The following SKIDA1 variants were observed in gnomAD, a reference collection of about 807,000 sequenced individuals.
SKIDA1 encodes SKI/DACH domain containing 1, also known as SKI/DACH domain-containing protein 1.
In SKIDA1, 18 loss-of-function variants were observed where a neutral mutation model predicts 51.4. The ratio of observed to expected loss-of-function variants is 0.35; its 90% CI spans 0.24 to 0.52. The LOEUF is 0.52. Ranked by LOEUF, SKIDA1 falls within the 20% of genes least tolerant of loss-of-function variation. The pLI is 0.95. For synonymous variants in SKIDA1, 579 were observed against 500.5 expected (o/e 1.16, Z -2.09); for missense variants, 1,104 against 1,180.6 (o/e 0.94, Z 0.95).
At position 21,516,665 on chromosome 10, in the gene SKIDA1, G is replaced by T. The variant is rs1319538887; in HGVS notation, c.1158C>A (p.Ser386Arg). ...CGTTGGCCGCGTGGTCCGAGTAGGA[G>T]CTGGACTCGGAGTCGCTGCTGCAGC... Reference protein sequence around the residue: ...PESCSSDSESSSYSDHAANDS... With the variant: ...PESCSSDSESRSYSDHAANDS... The change falls in exon 4 of 4, where the codon AGC becomes AGA. Residue 386 changes from serine to arginine, a missense_variant. Ser to Arg is a moderately radical substitution (Grantham distance 110). Around this residue, in one of 3 missense-constraint regions of SKIDA1, gnomAD observed 938 missense variants for 886.4 expected, o/e 1.06. Coordinates refer to ENST00000449193, the MANE Select transcript of SKIDA1 (RefSeq NM_207371.4). This position sits in a 1 kb window ranked among gnomAD's most constrained non-coding sequence, Gnocchi z 5.7. 1 of 1,551,734 alleles carries T rather than the reference G, an allele frequency of 6.4e-7. No individual in the cohort carries two copies. The highest frequency in any genetic ancestry group is 1.2e-5 in the South Asian group (1 of 84,054).
intron 2 of SKIDA1, among the ~76,000 whole-genome samples, chr10:21,522,992 A>G: frequency 6.6e-6 from 1 of 152,252 alleles, no homozygotes; most frequent in Non-Finnish European, 1.5e-5. Context: ...CTAGTGGATG[A>G]GATTTTACAC....
rs200611548 is a variant in SKIDA1, at chr10:21,517,517, C to G, written c.306G>C (p.Lys102Asn). The change falls in exon 4 of 4, where the codon AAG (lysine) becomes AAC (asparagine). Residue 102 changes from lysine to asparagine, a missense_variant. By Grantham distance (94) the Lys-to-Asn change is moderately conservative (BLOSUM62 0). Transcript: ENST00000449193. The surrounding 1 kb of genome is among the most constrained non-coding windows in gnomAD (Gnocchi z 6.9). ...YTSCKTERVL[K>N]TKRRRVGRAL... ...CCCGGCCGACCCGCCTGCGCTTGGTCTTGAGGACGCGCTCGGTTTTGCAGG... is the reference window on the plus strand; with the variant it reads ...CCCGGCCGACCCGCCTGCGCTTGGTGTTGAGGACGCGCTCGGTTTTGCAGG... The G allele has an allele frequency of 6.4e-7, 1 of 1,572,484 alleles. No individual in the cohort carries two copies. Among genetic ancestry groups the G allele is most frequent in the Non-Finnish European group, 8.6e-7 (1 of 1,158,648 alleles).
At position 21,516,838 on chromosome 10, in the gene SKIDA1, C is replaced by T. The variant is rs1000332314; in HGVS notation, c.985G>A (p.Val329Ile). ...GATCLERFHL[V>I]NGFCPPPHHH... ...TGCGGAGGCGGGCAGAAGCCGTTGA[C>T]CAGATGAAACCTCTCCAGGCAAGTG... Residue 329 changes from valine to isoleucine, a missense_variant, in exon 4 of 4, where the codon GTC becomes ATC. By Grantham distance (29) the Val-to-Ile change is conservative. This residue lies in a region of SKIDA1 where 938 missense variants were observed against 886.4 expected (regional missense o/e 1.06). Coordinates refer to ENST00000449193, the MANE Select transcript of SKIDA1 (RefSeq NM_207371.4). This position sits in a 1 kb window ranked among gnomAD's most constrained non-coding sequence, Gnocchi z 5.7. The T allele has an allele frequency of 3.8e-5, 58 of 1,539,730 alleles. No homozygotes were observed. Among genetic ancestry groups the T allele is most frequent in the African/African-American group, 6.9e-5 (5 of 72,602 alleles).
At chr10:21,519,988 C>A (rs1588686071) in intron 3 of SKIDA1, among the ~76,000 whole-genome samples, 1 of 152,222 alleles carries the variant, frequency 6.6e-6, no homozygotes, top group Non-Finnish European at 1.5e-5. Flanking sequence ...CCCTGAACTA[C>A]TGTTGCACTC....
intron 2 of SKIDA1, among the ~76,000 whole-genome samples, chr10:21,521,897 A>C (rs1309535383): frequency 3.3e-5 from 5 of 152,236 alleles, no homozygotes; most frequent in African/African-American, 1.2e-4. Context: ...AAATATGAAC[A>C]TATTTGTCTT....
chr10:21,520,161 A>C (rs1370502377), intron 3 of SKIDA1, among the ~76,000 whole-genome samples: 1 of 152,210 alleles, frequency 6.6e-6, no homozygotes, highest in Non-Finnish European at 1.5e-5. Context: ...CATTGAATGG[A>C]TCTCGTGATA....
At position 21,513,800 on chromosome 10, in the gene SKIDA1, G is replaced by GA. The variant is rs1389083892; in HGVS notation, c.*1295dup. The GA allele has an allele frequency of 1.3e-5, 2 of 152,260 alleles. No individual in the cohort carries two copies. The highest frequency in any genetic ancestry group is 1.9e-4 in the East Asian group (1 of 5,180). The allele number at this position is 152,260 out of a possible 1,614,324, so 9.4% of individuals were successfully genotyped here. On this transcript the variant is annotated 3_prime_UTR_variant, in exon 4 of 4. Transcript: ENST00000449193. ...CTGAGTTCTGGTACCAAAAAGCCCT[G>GA]AAAAAACTGTTATTTTTCATTTGGG...
rs2032196646 is a variant in SKIDA1 at position 21,516,171 on chromosome 10, G to A, written c.1652C>T (p.Ser551Phe). ...TTCAGAGTGTGGGAATGTAATCTCA[G>A]ATACCCTATCGTTCCTTATCTCAGC... ...CFAEIRNDRV[S>F]EITFPHSEIS... Residue 551 changes from serine (S) to phenylalanine (F), a missense_variant, in exon 4 of 4, where the codon TCT becomes TTT. Physicochemically the swap from Ser to Phe is radical, Grantham distance 155. Transcript: ENST00000449193. This position sits in a 1 kb window ranked among gnomAD's most constrained non-coding sequence, Gnocchi z 5.7. 6.2e-7 allele frequency: 1 copy of A among 1,613,926 alleles called. No homozygotes were observed. Among genetic ancestry groups the A allele is most frequent in the South Asian group, 1.1e-5 (1 of 91,094 alleles).
chr10:21,517,124 AGCGGCGGCGGCGGCG>A lies in SKIDA1; in HGVS notation c.684_698del (p.Ala240_Ala244del), dbSNP rs754621872. ...CGGCGGCGGCGGCGGCGGCGGCAGC[AGCGGCGGCGGCGGCG>A]GCGGCGGCGGCTGCCGGGTGTTTGC... On this transcript the variant is annotated inframe_deletion, in exon 4 of 4. Transcript: ENST00000449193. The surrounding 1 kb of genome is among the most constrained non-coding windows in gnomAD (Gnocchi z 6.9). 2 of 1,042,018 alleles carry A rather than the reference AGCGGCGGCGGCGGCG, an allele frequency of 1.9e-6. No individual in the cohort carries two copies. The highest frequency in any genetic ancestry group is 1.9e-5 in the African/African-American group (1 of 53,336). The allele number at this position is 1,042,018 out of a possible 1,614,324, so 64.5% of individuals were successfully genotyped here.
At position 21,517,185 on chromosome 10, in the gene SKIDA1, T is replaced by C; in HGVS notation, c.638A>G (p.Tyr213Cys). Reference protein sequence around the residue: ...NYVAFPSDPAYFRSLLCSKHP... With the variant: ...NYVAFPSDPACFRSLLCSKHP... The stretch of plus-strand genomic sequence containing the variant: ...TTTGCTGCACAGCAGGCTCCGAAAA[T>C]AAGCAGGGTCCGAGGGGAAGGCGAC... Residue 213 changes from tyrosine to cysteine, a missense_variant, in exon 4 of 4, where the codon TAT becomes TGT. Tyr to Cys is a radical substitution (Grantham distance 194, BLOSUM62 -2). This residue lies in a region of SKIDA1 where 938 missense variants were observed against 886.4 expected (regional missense o/e 1.06). Coordinates refer to ENST00000449193, the MANE Select transcript of SKIDA1 (RefSeq NM_207371.4). The surrounding 1 kb of genome is among the most constrained non-coding windows in gnomAD (Gnocchi z 6.9). The C allele has an allele frequency of 7.0e-7, 1 of 1,425,860 alleles. No individual in the cohort carries two copies. Among genetic ancestry groups the C allele is most frequent in the Non-Finnish European group, 9.2e-7 (1 of 1,082,854 alleles). 88.3% of individuals were successfully genotyped at this position (1,425,860 alleles called of 1,614,324 possible).
rs1003466892 is a variant in SKIDA1, at chr10:21,513,945, T to A, written c.*1151A>T. ...GAGAAATATTTCAGCCCGGGCATGG[T>A]GGATCACACCTTTAATCCCAGCACT... is the stretch of plus-strand genomic sequence containing the variant. On this transcript the variant is annotated 3_prime_UTR_variant, in exon 4 of 4. Coordinates refer to ENST00000449193, the MANE Select transcript of SKIDA1 (RefSeq NM_207371.4). 1.4e-4 allele frequency: 22 copies of A among 152,178 alleles called. No individual in the cohort carries two copies. Among genetic ancestry groups the A allele is most frequent in the African/African-American group, 4.6e-4 (19 of 41,448 alleles). The allele number at this position is 152,178 out of a possible 1,614,324, so 9.4% of individuals were successfully genotyped here.
chr10:21,522,190 T>A (rs912772686), intron 2 of SKIDA1, among the ~76,000 whole-genome samples: 2 of 141,084 alleles, frequency 1.4e-5, no homozygotes, highest in Non-Finnish European at 3.0e-5. Flanking sequence ...AATTAAAGTA[T>A]TGAAGAGCAT....
Position 21,514,934 on chromosome 10 carries a change from A to AAAC in SKIDA1, c.*161_*162insGTT. 2 of 826,706 alleles carry AAAC rather than the reference A, an allele frequency of 2.4e-6. No individual in the cohort carries two copies. Among genetic ancestry groups the AAAC allele is most frequent in the South Asian group, 4.5e-5 (1 of 22,332 alleles). The allele number at this position is 826,706 out of a possible 1,614,324, so 51.2% of individuals were successfully genotyped here. On this transcript the variant is annotated 3_prime_UTR_variant, in exon 4 of 4. Coordinates refer to ENST00000449193, the MANE Select transcript of SKIDA1 (RefSeq NM_207371.4). ...CCCTACTCCAGAAAAAAAAAAAAAAACCCGCAACGGAAAAAAAGTAATCCG... is the reference window on the plus strand; with the variant it reads ...CCCTACTCCAGAAAAAAAAAAAAAAAAACCCCGCAACGGAAAAAAAGTAATCCG...
At chr10:21,522,263 G>GCCCCC (rs2032417569) in intron 2 of SKIDA1, among the ~76,000 whole-genome samples, 3 of 24,110 alleles carry the variant, frequency 1.2e-4, no homozygotes, top group African/African-American at 2.0e-4. Flanking sequence ...GAGGATCACA[G>GCCCCC]CCACCCCCCC....
In SKIDA1 at chr10:21,515,361, T is replaced by C; in HGVS notation, c.2462A>G (p.Asp821Gly). ...GKTETNEGTL[D>G]DFTVINRRKK... ...GCGTCTGTTTATAACTGTAAAATCA[T>C]CCAGTGTTCCTTCATTTGTCTCAGT... The change falls in exon 4 of 4, where the codon GAT becomes GGT. Residue 821 changes from aspartate to glycine, a missense_variant. By Grantham distance (94) the Asp-to-Gly change is moderately conservative. This residue lies in a region of SKIDA1 where 112 missense variants were observed against 168.3 expected (regional missense o/e 0.67). Transcript: ENST00000449193. 6.2e-7 allele frequency: 1 copy of C among 1,614,050 alleles called. No homozygotes were observed. The highest frequency in any genetic ancestry group is 8.5e-7 in the Non-Finnish European group (1 of 1,179,892).
At position 21,513,777 on chromosome 10, in the gene SKIDA1, G is replaced by A. The variant is rs1455145145; in HGVS notation, c.*1319C>T. Reference sequence around the variant, plus strand: ...ATAAGGTCATAAAATCCAAGTGCCTGAGTTCTGGTACCAAAAAGCCCTGAA... The same window carrying A: ...ATAAGGTCATAAAATCCAAGTGCCTAAGTTCTGGTACCAAAAAGCCCTGAA... On this transcript the variant is annotated 3_prime_UTR_variant, in exon 4 of 4. Coordinates refer to ENST00000449193, the MANE Select transcript of SKIDA1 (RefSeq NM_207371.4). 2 of 152,316 alleles carry A rather than the reference G, an allele frequency of 1.3e-5. No homozygotes were observed. The highest frequency in any genetic ancestry group is 2.9e-5 in the Non-Finnish European group (2 of 68,044). The allele number at this position is 152,316 out of a possible 1,614,324, so 9.4% of individuals were successfully genotyped here.
At chr10:21,525,169 T>G (rs2032653225) in intron 1 of SKIDA1, among the ~76,000 whole-genome samples, 1 of 152,172 alleles carries the variant, frequency 6.6e-6, no homozygotes, top group Non-Finnish European at 1.5e-5. Flanking sequence ...AATGTGTAGG[T>G]AGTGGCTATG....
chr10:21,516,890 TGCCGCCGCC>T lies in SKIDA1; in HGVS notation c.924_932del (p.Ala316_Ala318del), dbSNP rs749533809. 4.5e-4 allele frequency: 543 copies of T among 1,195,506 alleles called. 63 individuals are homozygous for T. In the South Asian group the frequency reaches 7.6e-3, roughly 17 times the overall value. 74.1% of individuals were successfully genotyped at this position (1,195,506 alleles called of 1,614,324 possible). ...CCCCCGCGGCGGCCGCCGCCGCCGC[TGCCGCCGCC>T]GCCGCCGCCGCCGCCGCCTTGGCTT... On this transcript the variant is annotated inframe_deletion, in exon 4 of 4. Transcript: ENST00000449193. The surrounding 1 kb of genome is among the most constrained non-coding windows in gnomAD (Gnocchi z 5.7).
At chr10:21,520,592 C>T (rs1004194444) in intron 3 of SKIDA1, among the ~76,000 whole-genome samples, 2 of 140,316 alleles carry the variant, frequency 1.4e-5, no homozygotes, top group African/African-American at 5.2e-5. Context: ...CTAGAGCATC[C>T]TTTTTTTTTT....
Sources: allele counts gnomAD v4.1 joint callset (sites outside exome capture counted in the v4.1 genomes callset), GRCh38; gene constraint gnomAD v4.1.1; regional missense constraint gnomAD v4.1.1; non-coding constraint Gnocchi (gnomAD v3.1); transcripts MANE v1.5; gene names NCBI Gene and HGNC (gene_info 2026-07-23, HGNC 2026-07-21).